PDS5B: variants seen among roughly 807,000 people sequenced by gnomAD.
PDS5B encodes sister chromatid cohesion protein PDS5 homolog B.
In PDS5B, 51 loss-of-function variants were observed where a neutral mutation model predicts 184.1. The observed-to-expected ratio is 0.28, with a 90% CI of 0.22 to 0.35. PDS5B has a LOEUF of 0.35. PDS5B is among the 10% of genes least tolerant of loss of function. The pLI is 1.00. For synonymous variants in PDS5B, 566 were observed against 569.2 expected (o/e 0.99, Z 0.08); for missense variants, 1,180 against 1,723.3 (o/e 0.68, Z 5.58).
intron 9 of PDS5B, among the ~76,000 whole-genome samples, chr13:32,677,724 G>T (rs540957116): frequency 6.6e-6 from 1 of 151,852 alleles, no homozygotes; most frequent in African/African-American, 2.4e-5. Flanking sequence ...TGGTTTTGAA[G>T]ACTTTTTCCC....
intron 1 of PDS5B, among the ~76,000 whole-genome samples, chr13:32,626,949 G>T (rs2058379491): frequency 6.6e-6 from 1 of 152,194 alleles, no homozygotes; most frequent in African/African-American, 2.4e-5. Flanking sequence ...AAGTTCTTAA[G>T]TCTTGGAATC....
At chr13:32,723,512 T>C (rs1394117798) in intron 19 of PDS5B, among the ~76,000 whole-genome samples, 1 of 151,418 alleles carries the variant, frequency 6.6e-6, no homozygotes, top group Non-Finnish European at 1.5e-5. Context: ...GTTATTTATT[T>C]TCATTGACTT....
At chr13:32,710,973 G>T (rs1952185261) in intron 19 of PDS5B, among the ~76,000 whole-genome samples, 1 of 151,948 alleles carries the variant, frequency 6.6e-6, no homozygotes, top group South Asian at 2.1e-4. Flanking sequence ...TAGAACAAAG[G>T]CATTATTATT....
Position 32,745,829 on chromosome 13 carries a change from A to G in PDS5B, c.2613-148A>G, listed in dbSNP as rs771062742. ...ATCTCCTAGGTACTTGCATTTCAAC[A>G]TAGGAATTTTGGGGGACACAAACAT... On this transcript the variant is annotated intron_variant, in intron 23 of 34. Coordinates refer to ENST00000315596, the MANE Select transcript of PDS5B (RefSeq NM_015032.4). The G allele has an allele frequency of 5.1e-5, 33 of 645,808 alleles. 1 individual carries two copies. Among genetic ancestry groups the G allele is most frequent in the Non-Finnish European group, 6.4e-5 (24 of 376,926 alleles). The allele number at this position is 645,808 out of a possible 1,614,324, so 40.0% of individuals were successfully genotyped here.
At chr13:32,701,291 C>A in intron 16 of PDS5B, 32 bp from the exon 17 acceptor site, 1 of 1,129,286 alleles carries the variant, frequency 8.9e-7, no homozygotes, top group Non-Finnish European at 1.3e-6. Context: ...TTTAAATGTA[C>A]TTTTGTAATA....
chr13:32,770,113 TCCC>T lies in PDS5B; in HGVS notation c.3625-6_3625-4del. 2 of 1,515,572 alleles carry T rather than the reference TCCC, an allele frequency of 1.3e-6. No homozygotes were observed. The highest frequency in any genetic ancestry group is 2.2e-5 in the Admixed American group (1 of 45,920). 93.9% of individuals were successfully genotyped at this position (1,515,572 alleles called of 1,614,324 possible). ...TAACCATAAATTGTGATTTTTTTTT[TCCC>T]CTAGTCTGAATTGGAGAAGCCTAGA... On this transcript the variant is annotated splice_region_variant and splice_polypyrimidine_tract_variant and intron_variant, in intron 31 of 34. Coordinates refer to ENST00000315596, the MANE Select transcript of PDS5B (RefSeq NM_015032.4).
chr13:32,651,141 G>GA (rs1361116735), intron 2 of PDS5B, among the ~76,000 whole-genome samples: 2 of 151,794 alleles, frequency 1.3e-5, no homozygotes, highest in Non-Finnish European at 2.9e-5. Context: ...AAATATTTTT[G>GA]AAAAAAGAAC....
At chr13:32,596,278 A>G (rs902657716) in intron 1 of PDS5B, among the ~76,000 whole-genome samples, 20 of 152,272 alleles carry the variant, frequency 1.3e-4, no homozygotes, top group South Asian at 4.1e-4. Flanking sequence ...GTTTTGTTCT[A>G]TCTTCATACA....
chr13:32,596,682 A>C lies in PDS5B; in HGVS notation c.-20+10089A>C, dbSNP rs540666796. On this transcript the variant is annotated intron_variant, in intron 1 of 34. Transcript: ENST00000315596. ...TTAGTCAATCTTTTTAATTTTAGCT[A>C]TTCTAGTGGGTGTGGAAGGGTATCT... 6.6e-5 allele frequency among the ~76,000 whole-genome samples: 10 copies of C among 151,980 alleles called. 1 individual carries two copies. The highest frequency in any genetic ancestry group is 2.4e-4 in the African/African-American group (10 of 41,336).
chr13:32,724,799 C>T (rs1474955707), intron 19 of PDS5B, among the ~76,000 whole-genome samples: 9 of 152,220 alleles, frequency 5.9e-5, no homozygotes, highest in East Asian at 1.9e-4. Flanking sequence ...CAGTCGGTCT[C>T]GAACTCTTGG....
At chr13:32,692,165 T>C (rs763220851) in intron 13 of PDS5B, among the ~76,000 whole-genome samples, 11 of 152,106 alleles carry the variant, frequency 7.2e-5, no homozygotes, top group Non-Finnish European at 1.5e-4. Flanking sequence ...AAGAGCCATA[T>C]ATTTTATTCT....
intron 18 of PDS5B, among the ~76,000 whole-genome samples, chr13:32,709,067 TATC>T (rs1474198455): frequency 6.6e-6 from 1 of 152,116 alleles, no homozygotes; most frequent in Admixed American, 6.5e-5. Context: ...TTTATAGTTT[TATC>T]ATCTATGTAT....
chr13:32,657,655 A>G (rs1950550000), intron 3 of PDS5B, among the ~76,000 whole-genome samples: 1 of 152,184 alleles, frequency 6.6e-6, no homozygotes, highest in Non-Finnish European at 1.5e-5. Context: ...GCTTTATACA[A>G]ATGTAGATAC....
At chr13:32,640,941 C>T (rs2058651584) in intron 1 of PDS5B, among the ~76,000 whole-genome samples, 1 of 151,640 alleles carries the variant, frequency 6.6e-6, no homozygotes, top group Non-Finnish European at 1.5e-5. Context: ...CCTGTAGTCC[C>T]AGCTACTCGG....
chr13:32,652,862 A>G (rs1298693529), intron 3 of PDS5B, among the ~76,000 whole-genome samples: 1 of 152,170 alleles, frequency 6.6e-6, no homozygotes, highest in African/African-American at 2.4e-5. Flanking sequence ...TAAATGCAAA[A>G]TCTTTAAAAG....
At chr13:32,703,003 G>A (rs1951905856) in intron 17 of PDS5B, among the ~76,000 whole-genome samples, 1 of 152,152 alleles carries the variant, frequency 6.6e-6, no homozygotes, top group African/African-American at 2.4e-5. Flanking sequence ...ACTGGGTATG[G>A]GGAATAAAGG....
rs1175667573 is a variant in PDS5B, at chr13:32,770,510, A to C, written c.4014A>C (p.Glu1338Asp). 9 of 1,610,442 alleles carry C rather than the reference A, an allele frequency of 5.6e-6. No homozygotes were observed. The highest frequency in any genetic ancestry group is 1.3e-5 in the African/African-American group (1 of 74,414). ...AAGAAAGACAAAGTGGAAATACGGA[A>C]CAGAAGTCCAAAAGCAAACAGCACC... ...EEEERQSGNT[E>D]QKSKSKQHRV... Residue 1338 changes from glutamate to aspartate, a missense_variant, in exon 32 of 35, where the codon GAA becomes GAC. Coordinates refer to ENST00000315596, the MANE Select transcript of PDS5B (RefSeq NM_015032.4).
chr13:32,776,956 T>G lies in PDS5B; in HGVS notation c.*1904T>G, dbSNP rs1954975231. The G allele has an allele frequency of 6.6e-6, 1 of 152,456 alleles. No individual in the cohort carries two copies. Among genetic ancestry groups the G allele is most frequent in the Non-Finnish European group, 1.5e-5 (1 of 67,902 alleles). The allele number at this position is 152,456 out of a possible 1,614,324, so 9.4% of individuals were successfully genotyped here. A position where few individuals can be genotyped will look rare whatever the true frequency, so the allele number is the denominator to read the frequency against. ...ATATATCAAAGCAGCTCAGGTGGGA[T>G]CAACATACATTGGTTTTGAAATGTT... On this transcript the variant is annotated 3_prime_UTR_variant, in exon 35 of 35. Transcript: ENST00000315596.
chr13:32,597,779 A>G (rs7323084), intron 1 of PDS5B, among the ~76,000 whole-genome samples: 51,594 of 151,250 alleles, frequency 0.34, 9,084 homozygotes, highest in Non-Finnish European at 0.38. Context: ...CCTGGGAGGC[A>G]GAGGTTGCAG....
Sources: gnomAD v4.1 joint callset for allele counts (sites outside exome capture counted in the v4.1 genomes callset) on GRCh38, gnomAD v4.1.1 for gene constraint, MANE v1.5 for transcripts, NCBI Gene and HGNC (gene_info 2026-07-23, HGNC 2026-07-21) for gene names.